Variants in ZNF821 observed in about 807,000 individuals in gnomAD.
The protein encoded by ZNF821 is zinc finger protein 821.
A neutral mutation model predicts 44.3 loss-of-function variants in ZNF821; 16 were observed. The observed-to-expected ratio is 0.36, with a 90% confidence interval of 0.24 to 0.55. The LOEUF is 0.55. Among genes scored for constraint, ZNF821 ranks in the 20% least tolerant of loss-of-function variants. ZNF821 has a pLI of 0.86. For synonymous variants in ZNF821, 204 were observed against 197.6 expected (o/e 1.03, Z -0.27); for missense variants, 436 against 547.6 (o/e 0.80, Z 2.03).
chr16:71,860,451 A>G lies in ZNF821; in HGVS notation c.806T>C (p.Val269Ala). Reference sequence around the variant, plus strand: ...CTCTCGTTCCAGCCGCTGCAGCCGTACTTCCAAAGGCTCATTCTGTCGACG... The same window carrying G: ...CTCTCGTTCCAGCCGCTGCAGCCGTGCTTCCAAAGGCTCATTCTGTCGACG... Reference protein sequence around the residue: ...ALRRQNEPLEVRLQRLERERT... With the variant: ...ALRRQNEPLEARLQRLERERT... The change falls in exon 8 of 8, where the codon GTA becomes GCA. Residue 269 changes from valine to alanine, a missense_variant. Transcript: ENST00000425432. This position sits in a 1 kb window ranked among gnomAD's most constrained non-coding sequence, Gnocchi z 7.3. 1.2e-6 allele frequency: 2 copies of G among 1,614,018 alleles called. No homozygotes were observed. The highest frequency in any genetic ancestry group is 2.2e-5 in the South Asian group (2 of 91,084).
upstream of ZNF821, among the ~76,000 whole-genome samples, chr16:71,887,555 G>A (rs186262630): frequency 2.0e-5 from 3 of 152,004 alleles, no homozygotes; most frequent in Admixed American, 6.6e-5. Flanking sequence ...GCCATCGCGC[G>A]CAGCCCTCTG....
upstream of ZNF821, among the ~76,000 whole-genome samples, chr16:71,887,856 C>CTT (rs555295344): frequency 1.1e-4 from 15 of 133,648 alleles, no homozygotes; most frequent in South Asian, 2.4e-4. Flanking sequence ...ATTGAGTTGT[C>CTT]TTTTTTTTTT....
upstream of ZNF821, among the ~76,000 whole-genome samples, chr16:71,889,088 G>GT (rs895678668): frequency 3.9e-5 from 6 of 151,964 alleles, no homozygotes; most frequent in African/African-American, 1.5e-4. Flanking sequence ...CTACAAAAAT[G>GT]TTTTTTAAAA....
chr16:71,864,014 T>G, intron 6 of ZNF821, 124 bp downstream of exon 6: 1 of 845,266 alleles, frequency 1.2e-6, no homozygotes, highest in South Asian at 1.5e-5. Context: ...AGACGAATCT[T>G]AATAGAAGTG....
rs1464688283 is a variant in ZNF821, at chr16:71,875,722, G to A, written c.40+4185C>T. Among the ~76,000 whole-genome samples, 7 of 151,898 alleles carry A rather than the reference G, an allele frequency of 4.6e-5. No individual in the cohort carries two copies. In the East Asian group the frequency reaches 1.2e-3, roughly 25 times the overall value. On this transcript the variant is annotated intron_variant, in intron 3 of 7. Transcript: ENST00000425432. Reference sequence around the variant, plus strand: ...CGTGATCCGCCGGCCTCGCCCTCCCGAAGTGCTGGGATTACAGGCGTGAGC... The same window carrying A: ...CGTGATCCGCCGGCCTCGCCCTCCCAAAGTGCTGGGATTACAGGCGTGAGC...
At chr16:71,880,989 T>C (rs2036362635) in intron 2 of ZNF821, among the ~76,000 whole-genome samples, 1 of 152,118 alleles carries the variant, frequency 6.6e-6, no homozygotes, top group African/African-American at 2.4e-5. Flanking sequence ...GAATCTGAGA[T>C]GGATTAGTAT....
At chr16:71,878,113 CT>C (rs59096817) in intron 3 of ZNF821, among the ~76,000 whole-genome samples, 83,345 of 121,570 alleles carry the variant, frequency 0.69, 28,509 homozygotes, top group East Asian at 0.95. Context: ...AACTATTTGT[CT>C]TTTTTTTTTT....
upstream of ZNF821, chr16:71,884,801 T>C (rs1455307205): frequency 6.6e-6 from 1 of 152,072 alleles, no homozygotes; most frequent in Non-Finnish European, 1.5e-5. Context: ...CAGGGGAACT[T>C]GTGGCACTGT....
In ZNF821 at chr16:71,891,802, G is replaced by GT. The variant is rs923557521; in HGVS notation, n.448+3086dup. On this transcript the variant is annotated intron_variant and non_coding_transcript_variant, in intron 1 of 2. Coordinates refer to the ZNF821 transcript ENST00000561700. ...AGGCGGGCGGATCATGAGGTCAGGG[G>GT]TTTGAGACTAGCCTGACCAACACGG... is the stretch of plus-strand genomic sequence containing the variant. 1.8e-4 allele frequency among the ~76,000 whole-genome samples: 28 copies of GT among 152,144 alleles called. 1 individual carries two copies. The highest frequency in any genetic ancestry group is 6.5e-4 in the African/African-American group (27 of 41,524).
intron 3 of ZNF821, among the ~76,000 whole-genome samples, chr16:71,875,683 C>CG (rs1320987504): frequency 6.6e-6 from 1 of 152,074 alleles, no homozygotes; most frequent in East Asian, 1.9e-4. Context: ...AGGATGGTCT[C>CG]GATCTCCTGA....
chr16:71,889,532 G>A (rs1453623173), upstream of ZNF821, among the ~76,000 whole-genome samples: 1 of 152,084 alleles, frequency 6.6e-6, no homozygotes, highest in Non-Finnish European at 1.5e-5. Context: ...AATTAGCCGG[G>A]TGTGGTGGTG....
chr16:71,894,877 T>A, intron 1 of ZNF821: 1 of 1,499,320 alleles, frequency 6.7e-7, no homozygotes, highest in African/African-American at 1.4e-5. Flanking sequence ...GGAAAAAGTT[T>A]TCTCTGAATA....
intron 3 of ZNF821, among the ~76,000 whole-genome samples, chr16:71,872,608 G>T (rs1326184148): frequency 1.3e-5 from 2 of 151,942 alleles, no homozygotes; most frequent in Non-Finnish European, 2.9e-5. Context: ...GCGAGACTCC[G>T]TCTCAAAAAA....
chr16:71,864,424 G>A (rs2034293628), intron 5 of ZNF821, among the ~76,000 whole-genome samples, 182 bp from the exon 6 acceptor site: 1 of 152,240 alleles, frequency 6.6e-6, no homozygotes, highest in African/African-American at 2.4e-5. Flanking sequence ...TTTCAGCCAT[G>A]AGGACACAGG....
rs896616871 is a variant in ZNF821, at chr16:71,860,980, T to C, written c.585-308A>G. Among the ~76,000 whole-genome samples, 1 of 151,680 alleles carries C rather than the reference T, an allele frequency of 6.6e-6. No homozygotes were observed. Among genetic ancestry groups the C allele is most frequent in the Admixed American group, 6.6e-5 (1 of 15,192 alleles). Reference sequence around the variant, plus strand: ...AAGCCATTCTCCTGCCTCAGCCTCCTGAGTAGCTGGGATTACAGGCGCACG... The same window carrying C: ...AAGCCATTCTCCTGCCTCAGCCTCCCGAGTAGCTGGGATTACAGGCGCACG... On this transcript the variant is annotated intron_variant, in intron 7 of 7. Coordinates refer to ENST00000425432, the MANE Select transcript of ZNF821 (RefSeq NM_001201552.2). The surrounding 1 kb of genome is among the most constrained non-coding windows in gnomAD (Gnocchi z 7.3).
exon 1 of ZNF821, chr16:71,895,061 G>T: frequency 2.2e-6 from 1 of 459,652 alleles, no homozygotes; most frequent in Non-Finnish European, 3.9e-6. Context: ...GAAGAGTCAG[G>T]GATACGCAGG....
chr16:71,873,022 A>T (rs1184452576), intron 3 of ZNF821, among the ~76,000 whole-genome samples: 2 of 152,128 alleles, frequency 1.3e-5, no homozygotes, highest in South Asian at 2.1e-4. Flanking sequence ...CAAGTAGTTG[A>T]CAGAAATGTG....
At chr16:71,885,070 G>A (rs974548541), upstream of ZNF821, among the ~76,000 whole-genome samples, 2 of 152,170 alleles carry the variant, frequency 1.3e-5, no homozygotes, top group Non-Finnish European at 1.5e-5. Context: ...TGGCCAGGCT[G>A]GTCCCGAACT....
chr16:71,884,096 T>G lies in ZNF821; in HGVS notation c.-329A>C, dbSNP rs1400726201. ...GTGGCGGGGAGCCGAGGGGCGGCGC[T>G]GCAGACGGACAAAGCCAACAGCAGA... On this transcript the variant is annotated 5_prime_UTR_variant, in exon 1 of 8. Coordinates refer to ENST00000425432, the MANE Select transcript of ZNF821 (RefSeq NM_001201552.2). 6.6e-6 allele frequency: 1 copy of G among 151,730 alleles called. No individual in the cohort carries two copies. Among genetic ancestry groups the G allele is most frequent in the Non-Finnish European group, 1.5e-5 (1 of 67,974 alleles). The allele number at this position is 151,730 out of a possible 1,614,324, so 9.4% of individuals were successfully genotyped here. A position where few individuals can be genotyped will look rare whatever the true frequency, so the allele number is the denominator to read the frequency against.
Sources: allele counts gnomAD v4.1 joint callset (sites outside exome capture counted in the v4.1 genomes callset), GRCh38; gene constraint gnomAD v4.1.1; non-coding constraint Gnocchi (gnomAD v3.1); transcripts MANE v1.5; gene names NCBI Gene and HGNC (gene_info 2026-07-23, HGNC 2026-07-21).